The following GALNT6 variants were observed in gnomAD, a reference collection of about 807,000 sequenced individuals.
GALNT6 encodes the protein GalNAc transferase 6.
GALNT6 carries 51 observed loss-of-function variants against 65.9 expected under a neutral mutation model. The observed-to-expected ratio is 0.77, with a 90% CI of 0.62 to 0.98. GALNT6 has a LOEUF of 0.98. Ranked by LOEUF, GALNT6 falls within the 50% of genes least tolerant of loss-of-function variation. GALNT6 has a pLI of 0.00. For missense variants in GALNT6, 708 were observed against 803.3 expected (o/e 0.88, Z 1.43); for synonymous variants, 323 against 315.1 (o/e 1.02, Z -0.26).
chr12:51,358,066 T>C, intron 9 of GALNT6, 64 bp downstream of exon 9: 5 of 1,469,774 alleles, frequency 3.4e-6, no homozygotes, highest in Non-Finnish European at 4.7e-6. Flanking sequence ...GTGGGGTCAG[T>C]GGTCTTGAAC....
At chr12:51,380,256 A>G (rs772424487) in intron 2 of GALNT6, among the ~76,000 whole-genome samples, 40 of 152,154 alleles carry the variant, frequency 2.6e-4, no homozygotes, top group Middle Eastern at 3.2e-3. Context: ...ATCCCAGACA[A>G]ACTCTGGTAG....
rs59535902 is a variant in GALNT6 at position 51,352,910 on chromosome 12, T to G, written c.*1469A>C. 53,525 of 152,116 alleles carry G rather than the reference T, an allele frequency of 0.35. 9,517 individuals are homozygous for G. The highest frequency in any genetic ancestry group is 0.36 in the South Asian group (1,737 of 4,820). 9.4% of individuals were successfully genotyped at this position (152,116 alleles called of 1,614,324 possible). ...TGGTCTCGAATTCCTGACCTCAGGT[T>G]ATCCACCCGGCTCGGCCTCCCAGAG... On this transcript the variant is annotated 3_prime_UTR_variant, in exon 12 of 12. Coordinates refer to ENST00000356317, the MANE Select transcript of GALNT6 (RefSeq NM_007210.4).
At chr12:51,381,848 C>G (rs1947683220) in intron 2 of GALNT6, among the ~76,000 whole-genome samples, 1 of 152,246 alleles carries the variant, frequency 6.6e-6, no homozygotes, top group Admixed American at 6.5e-5. Flanking sequence ...CTTCACTTCC[C>G]AGCAGTTATC....
chr12:51,371,109 G>A (rs1947282219), intron 4 of GALNT6, among the ~76,000 whole-genome samples: 1 of 146,056 alleles, frequency 6.8e-6, no homozygotes, highest in Non-Finnish European at 1.5e-5. Context: ...TTGAGATGGA[G>A]TTTTGCTCTT....
At position 51,375,946 on chromosome 12, in the gene GALNT6, C is replaced by T. The variant is rs534061700; in HGVS notation, c.664+1249G>A. 3.3e-3 allele frequency among the ~76,000 whole-genome samples: 503 copies of T among 152,048 alleles called. 3 individuals carry two copies. Among genetic ancestry groups the T allele is most frequent in the Middle Eastern group, 0.027 (8 of 294 alleles). ...TGCCATCTTGGCTCACTGCAGCCTA[C>T]GCCTCCCGGGTTCAGGTGATTCTTG... is the stretch of plus-strand genomic sequence containing the variant. On this transcript the variant is annotated intron_variant, in intron 4 of 11. Coordinates refer to ENST00000356317, the MANE Select transcript of GALNT6 (RefSeq NM_007210.4).
At position 51,360,357 on chromosome 12, in the gene GALNT6, GT is replaced by G. The variant is rs903645353; in HGVS notation, c.1167+363del. 2.4e-4 allele frequency: 38 copies of G among 156,566 alleles called. 1 individual carries two copies. The South Asian group carries it at 3.6e-3, about 15-fold the overall frequency. The allele number at this position is 156,566 out of a possible 1,614,324, so 9.7% of individuals were successfully genotyped here. On this transcript the variant is annotated intron_variant, in intron 7 of 11. Transcript: ENST00000356317. ...AAGGATGATGACTGGTTACTCATCT[GT>G]TTTTTTTTTCTAGCCCTAGTTGTGA... is the stretch of plus-strand genomic sequence containing the variant.
rs772784719 is a variant in GALNT6 at position 51,377,298 on chromosome 12, G to A, written c.561C>T (p.Asn187=). The A allele has an allele frequency of 3.8e-5, 62 of 1,613,346 alleles. 1 individual carries two copies. Among genetic ancestry groups the A allele is most frequent in the South Asian group, 2.7e-4 (25 of 91,042 alleles). ...ATTSVIIVFH[N]EAWSTLLRTV... ...TTCGCAGCAGTGTGGACCAGGCTTC[G>A]TTGTGGAACACAATGATCACGCTGG... The change falls in exon 4 of 12, where the codon AAC becomes AAT. Residue 187 remains asparagine, a synonymous_variant. Transcript: ENST00000356317.
At chr12:51,389,610 G>A (rs1313124832) in intron 2 of GALNT6, among the ~76,000 whole-genome samples, 1 of 152,144 alleles carries the variant, frequency 6.6e-6, no homozygotes, top group Non-Finnish European at 1.5e-5. Context: ...ATTATATATC[G>A]AAGTTAGTGA....
chr12:51,372,514 AGAT>A (rs1327135677), intron 4 of GALNT6, among the ~76,000 whole-genome samples: 2 of 152,152 alleles, frequency 1.3e-5, no homozygotes, highest in Non-Finnish European at 2.9e-5. Flanking sequence ...CTGACCATGC[AGAT>A]GATTTAGAGA....
At chr12:51,367,836 T>C (rs1947159890) in intron 4 of GALNT6, among the ~76,000 whole-genome samples, 1 of 152,200 alleles carries the variant, frequency 6.6e-6, no homozygotes, top group South Asian at 2.1e-4. Context: ...TAATCTTCTC[T>C]ATGATAGTTA....
intron 4 of GALNT6, among the ~76,000 whole-genome samples, chr12:51,376,596 G>A (rs1175447280): frequency 7.3e-6 from 1 of 136,900 alleles, no homozygotes; most frequent in African/African-American, 2.8e-5. Context: ...TCACACCATT[G>A]TACTCCAGCC....
At chr12:51,390,610 C>T (rs1308163309) in intron 2 of GALNT6, among the ~76,000 whole-genome samples, 2 of 152,226 alleles carry the variant, frequency 1.3e-5, no homozygotes, top group East Asian at 3.8e-4. Flanking sequence ...GTGTGGTGCA[C>T]ACACATCTCT....
intron 2 of GALNT6, among the ~76,000 whole-genome samples, chr12:51,388,729 C>G (rs1181279441): frequency 6.6e-6 from 1 of 152,162 alleles, no homozygotes; most frequent in Non-Finnish European, 1.5e-5. Flanking sequence ...GTCTTGGTCC[C>G]CAAACTTCTG....
At position 51,360,738 on chromosome 12, in the gene GALNT6, CGTTCT is replaced by C; in HGVS notation, c.1145_1149del (p.Glu382GlyfsTer39). The C allele has an allele frequency of 6.2e-7, 1 of 1,604,084 alleles. No individual in the cohort carries two copies. Among genetic ancestry groups the C allele is most frequent in the Non-Finnish European group, 8.5e-7 (1 of 1,170,890 alleles). ...ACTCTCACCCGGAAGGACATTTCCA[CGTTCT>C]CCCCTCCCCAGATCTCCATCTGATT... On this transcript the variant is annotated frameshift_variant, in exon 7 of 12. Transcript: ENST00000356317. LOFTEE classifies it high-confidence loss of function.
At chr12:51,378,888 C>G (rs75984960) in intron 3 of GALNT6, among the ~76,000 whole-genome samples, 9 of 145,366 alleles carry the variant, frequency 6.2e-5, no homozygotes, top group Non-Finnish European at 1.0e-4. Context: ...GCCCACCCCC[C>G]CCCCAAACAG....
intron 5 of GALNT6, among the ~76,000 whole-genome samples, chr12:51,364,949 A>G (rs1320127440): frequency 6.6e-6 from 1 of 152,224 alleles, no homozygotes; most frequent in African/African-American, 2.4e-5. Context: ...TTCTGACTCC[A>G]AGACTAGAGC....
Position 51,379,398 on chromosome 12 carries a change from CA to C in GALNT6, c.383del (p.Leu128ArgfsTer54). ...KAFQKSKWTP[L>X]ETQEKEEGYK... ...AGCCTTCTTCCTTTTCCTGGGTCTC[CA>C]GGGGGGTCCACTTGCTCTTCTGAAA... On this transcript the variant is annotated frameshift_variant, in exon 3 of 12. Coordinates refer to ENST00000356317, the MANE Select transcript of GALNT6 (RefSeq NM_007210.4). LOFTEE classifies it high-confidence loss of function. 5 of 1,605,534 alleles carry C rather than the reference CA, an allele frequency of 3.1e-6. No homozygotes were observed. The highest frequency in any genetic ancestry group is 4.3e-6 in the Non-Finnish European group (5 of 1,175,930).
At chr12:51,370,704 G>T (rs142189958) in intron 4 of GALNT6, among the ~76,000 whole-genome samples, 82 of 152,194 alleles carry the variant, frequency 5.4e-4, no homozygotes, top group Middle Eastern at 3.4e-3. Flanking sequence ...GGACAGCGTG[G>T]AGAATTCATG....
At chr12:51,366,049 C>T (rs1261509273) in intron 4 of GALNT6, among the ~76,000 whole-genome samples, 2 of 152,206 alleles carry the variant, frequency 1.3e-5, no homozygotes, top group East Asian at 3.8e-4. Context: ...TCCTGAGTAG[C>T]TAGGACTACA....
Sources: gnomAD v4.1 joint callset for allele counts (sites outside exome capture counted in the v4.1 genomes callset) on GRCh38, gnomAD v4.1.1 for gene constraint, MANE v1.5 for transcripts, NCBI Gene and HGNC (gene_info 2026-07-23, HGNC 2026-07-21) for gene names.